Variants in ANKFN1 observed in about 807,000 individuals in gnomAD.
The protein encoded by ANKFN1 is ankyrin repeat and fibronectin type-III domain-containing protein 1.
ANKFN1 carries 74 observed loss-of-function variants against 108.7 expected under a neutral mutation model. The observed-to-expected ratio is 0.68, with a 90% CI of 0.56 to 0.83. The LOEUF is 0.83. Among genes scored for constraint, ANKFN1 ranks in the 40% least tolerant of loss-of-function variants. The pLI, the probability that ANKFN1 is intolerant of heterozygous loss-of-function variation, is 0.00. For missense variants in ANKFN1, 1,505 were observed against 1,382.3 expected, an observed-to-expected ratio of 1.09 and a Z score of -1.41; for synonymous variants, 547 against 516.2, an observed-to-expected ratio of 1.06 and a Z score of -0.81.
intron 5 of ANKFN1, 45 bp from the exon 6 acceptor site, chr17:56,353,791 C>T (rs1348390199): frequency 6.4e-7 from 1 of 1,570,094 alleles, no homozygotes; most frequent in Admixed American, 1.7e-5. Flanking sequence ...TACAAAGACA[C>T]ACTGGTTTAA....
intron 1 of ANKFN1, among the ~76,000 whole-genome samples, chr17:56,209,804 T>G (rs1016316164): frequency 2.6e-5 from 4 of 152,134 alleles, no homozygotes; most frequent in Non-Finnish European, 4.4e-5. Flanking sequence ...GTGTAGTCTT[T>G]TATCCCTCAC....
chr17:56,075,807 A>G (rs1325851728), intron 4 of ANKFN1, among the ~76,000 whole-genome samples: 2 of 152,098 alleles, frequency 1.3e-5, no homozygotes, highest in African/African-American at 4.8e-5. Context: ...TAGTTCTGCA[A>G]GCTTTCTCAA....
chr17:56,188,581 G>GTGTGTGTGTGTATA (rs1212242378), intron 1 of ANKFN1, among the ~76,000 whole-genome samples: 7 of 49,648 alleles, frequency 1.4e-4, no homozygotes, highest in African/African-American at 5.1e-4. Context: ...GTGTGTGTGT[G>GTGTGTGTGTGTATA]TATATATATA....
intron 4 of ANKFN1, among the ~76,000 whole-genome samples, chr17:56,048,439 T>G (rs1201913866): frequency 6.6e-6 from 1 of 152,232 alleles, no homozygotes; most frequent in Non-Finnish European, 1.5e-5. Context: ...ATGGTCCAGA[T>G]AAACACCAAT....
intron 3 of ANKFN1, among the ~76,000 whole-genome samples, chr17:56,270,229 G>A (rs553966518): frequency 6.6e-6 from 1 of 152,272 alleles, no homozygotes; most frequent in African/African-American, 2.4e-5. Flanking sequence ...CAGAGTCTCC[G>A]AGGCTCCATA....
chr17:56,214,378 T>C (rs1029303369), intron 2 of ANKFN1, among the ~76,000 whole-genome samples: 2 of 152,194 alleles, frequency 1.3e-5, no homozygotes, highest in Non-Finnish European at 2.9e-5. Context: ...CTGCTGCCTT[T>C]CTAAGCCAAA....
intron 4 of ANKFN1, among the ~76,000 whole-genome samples, chr17:56,108,880 A>G (rs748444429): frequency 1.3e-5 from 2 of 152,244 alleles, no homozygotes; most frequent in Non-Finnish European, 2.9e-5. Flanking sequence ...GCAAACAGGT[A>G]TCAGATAAAT....
intron 20 of ANKFN1, among the ~76,000 whole-genome samples, chr17:56,508,643 G>T (rs1007453053): frequency 6.6e-6 from 1 of 152,044 alleles, no homozygotes; most frequent in Non-Finnish European, 1.5e-5. Context: ...AATGAATGGA[G>T]GGAGAAAAAT....
chr17:56,440,254 T>C, intron 8 of ANKFN1, 73 bp from the exon 9 acceptor site: 1 of 876,616 alleles, frequency 1.1e-6, no homozygotes, highest in Admixed American at 2.0e-5. Flanking sequence ...AGAGTTTCTA[T>C]GGTACTTCTT....
chr17:56,175,796 C>T (rs1911092103), intron 1 of ANKFN1, among the ~76,000 whole-genome samples: 1 of 152,124 alleles, frequency 6.6e-6, no homozygotes, highest in Admixed American at 6.5e-5. Context: ...ACAAACCAGC[C>T]TTTCTTTATG....
intron 19 of ANKFN1, among the ~76,000 whole-genome samples, chr17:56,497,618 GT>G (rs1315246298): frequency 6.6e-6 from 1 of 152,140 alleles, no homozygotes; most frequent in Non-Finnish European, 1.5e-5. Flanking sequence ...ACTGGGTAGT[GT>G]TTTAGTTTTA....
chr17:56,270,597 T>C (rs2043767022), intron 3 of ANKFN1, among the ~76,000 whole-genome samples: 1 of 152,196 alleles, frequency 6.6e-6, no homozygotes, highest in Non-Finnish European at 1.5e-5. Context: ...TGCCCTCCCC[T>C]GGCTTATGGC....
chr17:56,195,352 G>A (rs1913412755), intron 1 of ANKFN1: 2 of 152,158 alleles, frequency 1.3e-5, no homozygotes, highest in African/African-American at 4.8e-5. Flanking sequence ...ATTCATCTCT[G>A]CCTATTCAAG....
chr17:56,332,420 T>C (rs903870760), intron 4 of ANKFN1, among the ~76,000 whole-genome samples: 1 of 152,150 alleles, frequency 6.6e-6, no homozygotes, highest in Non-Finnish European at 1.5e-5. Context: ...AGTTTTAGCT[T>C]TTACATTTAG....
chr17:56,376,124 C>A (rs2046941598), intron 8 of ANKFN1, among the ~76,000 whole-genome samples: 1 of 152,194 alleles, frequency 6.6e-6, no homozygotes, highest in Admixed American at 6.5e-5. Context: ...GTCACTATGG[C>A]TCTCTCTGCC....
chr17:56,434,778 T>C (rs2048879234), intron 8 of ANKFN1, among the ~76,000 whole-genome samples: 1 of 100,274 alleles, frequency 1.0e-5, no homozygotes, highest in African/African-American at 2.6e-5. Flanking sequence ...TCTCGGCACG[T>C]CCTTCTCTCT....
intron 1 of ANKFN1, among the ~76,000 whole-genome samples, chr17:56,177,787 C>T (rs879820961): frequency 6.0e-5 from 9 of 149,436 alleles, no homozygotes; most frequent in Non-Finnish European, 1.3e-4. Flanking sequence ...TAACTGCCAA[C>T]ATAGGTTTTT....
intron 3 of ANKFN1, among the ~76,000 whole-genome samples, chr17:56,305,958 T>C (rs1159430394): frequency 6.6e-6 from 1 of 152,160 alleles, no homozygotes; most frequent in Non-Finnish European, 1.5e-5. Context: ...CAGAACTCAG[T>C]TGGCTTATTA....
intron 4 of ANKFN1, among the ~76,000 whole-genome samples, chr17:56,126,627 GAC>G (rs2143323142): frequency 6.6e-6 from 1 of 152,274 alleles, no homozygotes; most frequent in Admixed American, 6.5e-5. Flanking sequence ...AACAGTAGGA[GAC>G]ACAAATAACC....
Sources: gnomAD v4.1 joint callset for allele counts (sites outside exome capture counted in the v4.1 genomes callset) on GRCh38, gnomAD v4.1.1 for gene constraint, MANE v1.5 for transcripts, NCBI Gene and HGNC (gene_info 2026-07-23, HGNC 2026-07-21) for gene names.